The following MUC17 variants were observed in gnomAD, a reference collection of about 807,000 sequenced individuals.
MUC17 encodes the protein mucin-17.
A neutral mutation model predicts 170.3 loss-of-function variants in MUC17; 190 were observed. The ratio of observed to expected loss-of-function variants is 1.12; its 90% CI spans 0.99 to 1.26. The LOEUF is 1.26. Ranked by LOEUF, MUC17 falls within the 50% of genes most tolerant of loss-of-function variation. The pLI, the probability that MUC17 is intolerant of heterozygous loss-of-function variation, is 0.00. For synonymous variants in MUC17, 2,325 were observed against 2,002.5 expected (o/e 1.16, Z -4.30); for missense variants, 6,415 against 5,530.0 (o/e 1.16, Z -5.08).
rs1431467993 is a variant in MUC17, at chr7:101,058,740, T to C, written c.*696T>C. The C allele has an allele frequency of 1.3e-5, 2 of 152,232 alleles. No individual in the cohort carries two copies. Among genetic ancestry groups the C allele is most frequent in the African/African-American group, 4.8e-5 (2 of 41,466 alleles). The allele number at this position is 152,232 out of a possible 1,614,324, so 9.4% of individuals were successfully genotyped here. ...AATATAGAGCATTTACCTTTTGGTA[T>C]ATAAGATTGTGGGTATTTTTTAAGT... is the stretch of plus-strand genomic sequence containing the variant. On this transcript the variant is annotated 3_prime_UTR_variant, in exon 13 of 13. Coordinates refer to ENST00000306151, the MANE Select transcript of MUC17 (RefSeq NM_001040105.2).
rs761529042 is a variant in MUC17, at chr7:101,033,140, T to C, written c.1724T>C (p.Met575Thr). 9.7e-5 allele frequency: 157 copies of C among 1,611,906 alleles called. No homozygotes were observed. The highest frequency in any genetic ancestry group is 2.2e-4 in the Admixed American group (13 of 59,878). ...GAAGGAAGCACTCCATTAACAAACA[T>C]GCCTGTCAGCACCAGGCTGGTGGTC... ...PSEGSTPLTN[M>T]PVSTRLVVSS... The change falls in exon 3 of 13, where the codon ATG becomes ACG. Residue 575 changes from methionine to threonine, a missense_variant. Coordinates refer to ENST00000306151, the MANE Select transcript of MUC17 (RefSeq NM_001040105.2).
intron 3 of MUC17, 33 bp downstream of exon 3, chr7:101,043,852 A>T (rs758255324): frequency 1.9e-6 from 3 of 1,554,380 alleles, no homozygotes; most frequent in South Asian, 2.4e-5. Flanking sequence ...CTTTTTTTTA[A>T]AATTATACTG....
At position 101,036,980 on chromosome 7, in the gene MUC17, C is replaced by T. The variant is rs141195508; in HGVS notation, c.5564C>T (p.Thr1855Ile). Residue 1855 changes from threonine (T) to isoleucine (I), a missense_variant, in exon 3 of 13, where the codon ACC becomes ATC. Physicochemically the swap from Thr to Ile is moderately conservative, Grantham distance 89. Coordinates refer to ENST00000306151, the MANE Select transcript of MUC17 (RefSeq NM_001040105.2). ...VSSSPTPAEG[T>I]SIATSTPSEG... is the part of the protein sequence containing the mutation. ...TCATCTCCTACACCTGCTGAAGGTA[C>T]CAGCATAGCAACCTCAACGCCTAGT... is the stretch of plus-strand genomic sequence containing the variant. 1.7e-3 allele frequency: 2,737 copies of T among 1,577,332 alleles called. 12 individuals are homozygous for T. Among genetic ancestry groups the T allele is most frequent in the Non-Finnish European group, 1.7e-3 (2,000 of 1,178,886 alleles).
rs142444596 is a variant in MUC17 at position 101,037,153 on chromosome 7, G to A, written c.5737G>A (p.Gly1913Ser). The A allele has an allele frequency of 3.2e-4, 508 of 1,612,556 alleles. 2 individuals carry two copies. The highest frequency in any genetic ancestry group is 3.4e-4 in the Non-Finnish European group (400 of 1,179,752). Residue 1913 changes from glycine (G) to serine (S), a missense_variant, in exon 3 of 13, where the codon GGT becomes AGT. Transcript: ENST00000306151. ...QVSSSPTTAD[G>S]SSMPTSTPRE... Reference sequence around the variant, plus strand: ...CAGTTCATCTCCTACAACTGCTGACGGTAGCAGCATGCCAACCTCAACTCC... The same window carrying A: ...CAGTTCATCTCCTACAACTGCTGACAGTAGCAGCATGCCAACCTCAACTCC...
chr7:101,048,075 TG>T lies in MUC17; in HGVS notation c.12499del (p.Glu4167SerfsTer12). On this transcript the variant is annotated frameshift_variant, in exon 4 of 13. Transcript: ENST00000306151. LOFTEE classifies it high-confidence loss of function. ...LKCQCPNLYY[G>X]ELCEEVVSSI... ...AGTGCCAGTGTCCCAACCTCTATTATGGGGAGTTGTGTGAGGAGGTGGTCAG... is the reference window on the plus strand; with the variant it reads ...AGTGCCAGTGTCCCAACCTCTATTATGGGAGTTGTGTGAGGAGGTGGTCAG... 6.2e-7 allele frequency: 1 copy of T among 1,604,642 alleles called. No individual in the cohort carries two copies. Among genetic ancestry groups the T allele is most frequent in the Middle Eastern group, 1.7e-4 (1 of 5,740 alleles).
At position 101,034,112 on chromosome 7, in the gene MUC17, C is replaced by A. The variant is rs1259932710; in HGVS notation, c.2696C>A (p.Ser899Tyr). The change falls in exon 3 of 13, where the codon TCT becomes TAT. Residue 899 changes from serine (S) to tyrosine (Y), a missense_variant. Ser to Tyr is a moderately radical substitution (Grantham distance 144). Transcript: ENST00000306151. ...GACACCAGCACACCTGTGACCAATT[C>A]TACTGAAGCCCGTTCGTCTCCTACA... ...PVDTSTPVTN[S>Y]TEARSSPTTS... The A allele has an allele frequency of 1.3e-6, 2 of 1,584,476 alleles. No individual in the cohort carries two copies. The highest frequency in any genetic ancestry group is 1.4e-5 in the African/African-American group (1 of 72,860).
chr7:101,036,393 C>G lies in MUC17; in HGVS notation c.4977C>G (p.Asn1659Lys), dbSNP rs200727248. ...TTTCAACAACTCCTGTTGACTCCAA[C>G]AGTCCTGTGATCACTTCTACTGAAG... is the stretch of plus-strand genomic sequence containing the variant. ...STLSTTPVDS[N>K]SPVITSTEVS... Residue 1659 changes from asparagine to lysine, a missense_variant, in exon 3 of 13, where the codon AAC becomes AAG. Asn to Lys is a moderately conservative substitution (Grantham distance 94). Coordinates refer to ENST00000306151, the MANE Select transcript of MUC17 (RefSeq NM_001040105.2). 9.5e-6 allele frequency: 15 copies of G among 1,578,172 alleles called. No homozygotes were observed. The African/African-American group carries it at 2.2e-4, about 23-fold the overall frequency.
In MUC17 at chr7:101,020,537, C is replaced by A. The variant is rs933186803; in HGVS notation, c.82+320C>A. 3.3e-5 allele frequency among the ~76,000 whole-genome samples: 5 copies of A among 151,950 alleles called. No homozygotes were observed. The East Asian group carries it at 9.7e-4, about 29-fold the overall frequency. On this transcript the variant is annotated intron_variant, in intron 1 of 12. Transcript: ENST00000306151. ...CAGCTGCTAGGATTGAAAAGAGCTC[C>A]CCCCCCGAGGCATGATCCCTGGCAC... is the stretch of plus-strand genomic sequence containing the variant.
At position 101,035,787 on chromosome 7, in the gene MUC17, A is replaced by G; in HGVS notation, c.4371A>G (p.Leu1457=). The G allele has an allele frequency of 6.2e-7, 1 of 1,609,182 alleles. No individual in the cohort carries two copies. Among genetic ancestry groups the G allele is most frequent in the East Asian group, 2.2e-5 (1 of 44,836 alleles). The change falls in exon 3 of 13, where the codon TTA becomes TTG. Residue 1457 remains leucine (L), a synonymous_variant. Coordinates refer to ENST00000306151, the MANE Select transcript of MUC17 (RefSeq NM_001040105.2). ...TSTPSEGKTP[L]KSIPVSNTPV... ...CTCCTAGTGAAGGAAAGACTCCATTAAAAAGTATACCTGTCAGCAACACGC... is the reference window on the plus strand; with the variant it reads ...CTCCTAGTGAAGGAAAGACTCCATTGAAAAGTATACCTGTCAGCAACACGC...
At chr7:101,052,758 T>C (rs1339283788) in intron 9 of MUC17, among the ~76,000 whole-genome samples, 2 of 152,128 alleles carry the variant, frequency 1.3e-5, no homozygotes, top group East Asian at 3.9e-4. Flanking sequence ...GGGTTGCAAC[T>C]GGAGGCAAAA....
At position 101,048,910 on chromosome 7, in the gene MUC17, G is replaced by A. The variant is rs149635846; in HGVS notation, c.12601G>A (p.Glu4201Lys). ...GACAGTGACCAGTGTGAAGTTCACC[G>A]AAGAGCTAAAAAACCACTCTTCCCA... ...TVTVTSVKFT[E>K]ELKNHSSQEF... is the part of the protein sequence containing the mutation. Residue 4201 changes from glutamate (E) to lysine (K), a missense_variant, in exon 5 of 13, where the codon GAA becomes AAA. By Grantham distance (56) the Glu-to-Lys change is moderately conservative. Transcript: ENST00000306151. 1.4e-4 allele frequency: 222 copies of A among 1,614,078 alleles called. 1 individual carries two copies. The highest frequency in any genetic ancestry group is 1.6e-4 in the Non-Finnish European group (190 of 1,180,030).
intron 1 of MUC17, among the ~76,000 whole-genome samples, chr7:101,022,421 C>T (rs1794108517): frequency 6.6e-6 from 1 of 152,230 alleles, no homozygotes. Context: ...CCTGCCTCTG[C>T]TTCCCAAAGT....
At chr7:101,049,551 G>T (rs1794900208) in intron 6 of MUC17, among the ~76,000 whole-genome samples, 169 bp downstream of exon 6, 1 of 152,176 alleles carries the variant, frequency 6.6e-6, no homozygotes, top group Non-Finnish European at 1.5e-5. Flanking sequence ...CAGTTCTAGG[G>T]GCTGGAGGTC....
rs1333447953 is a variant in MUC17, at chr7:101,032,701, G to A, written c.1285G>A (p.Glu429Lys). 1.3e-6 allele frequency: 2 copies of A among 1,577,006 alleles called. No individual in the cohort carries two copies. The highest frequency in any genetic ancestry group is 1.7e-6 in the Non-Finnish European group (2 of 1,154,818). ...CAAAACTTTTGTGACCACTGCTAGT[G>A]AAGCCAGCTCATCTCCCACAACTGC... Reference protein sequence around the residue: ...DSKTFVTTASEASSSPTTAED... With the variant: ...DSKTFVTTASKASSSPTTAED... Residue 429 changes from glutamate to lysine, a missense_variant, in exon 3 of 13, where the codon GAA becomes AAA. Coordinates refer to ENST00000306151, the MANE Select transcript of MUC17 (RefSeq NM_001040105.2).
chr7:101,029,080 C>T (rs570807789), intron 1 of MUC17, among the ~76,000 whole-genome samples: 3 of 151,748 alleles, frequency 2.0e-5, no homozygotes, highest in East Asian at 1.9e-4. Flanking sequence ...CCCAGCTACT[C>T]GGGAGGCTGA....
rs138135476 is a variant in MUC17 at position 101,042,032 on chromosome 7, C to T, written c.10616C>T (p.Thr3539Ile). 1.9e-6 allele frequency: 3 copies of T among 1,613,866 alleles called. No homozygotes were observed. Among genetic ancestry groups the T allele is most frequent in the Non-Finnish European group, 2.5e-6 (3 of 1,179,950 alleles). ...VASSEASTLS[T>I]TPVDSNTFVT... ...AGTTCTGAGGCTAGCACCCTTTCAA[C>T]AACTCCTGTTGACTCCAACACTTTT... Residue 3539 changes from threonine (T) to isoleucine (I), a missense_variant, in exon 3 of 13, where the codon ACA becomes ATA. Transcript: ENST00000306151.
chr7:101,040,479 T>C lies in MUC17; in HGVS notation c.9063T>C (p.Ser3021=), dbSNP rs1253089996. Residue 3021 remains serine (S), a synonymous_variant, in exon 3 of 13, where the codon TCT becomes TCC. Coordinates refer to ENST00000306151, the MANE Select transcript of MUC17 (RefSeq NM_001040105.2). ...PADTSTPVTT[S]TEASSSPTTA... ...ACACCAGCACACCTGTGACCACTTC[T>C]ACTGAAGCCAGTTCCTCTCCTACAA... 1 of 1,612,070 alleles carries C rather than the reference T, an allele frequency of 6.2e-7. No individual in the cohort carries two copies. Among genetic ancestry groups the C allele is most frequent in the Non-Finnish European group, 8.5e-7 (1 of 1,179,204 alleles).
chr7:101,048,186 G>C, intron 4 of MUC17, 71 bp downstream of exon 4: 2 of 1,435,284 alleles, frequency 1.4e-6, no homozygotes, highest in Non-Finnish European at 1.8e-6. Flanking sequence ...AACAGTTCCT[G>C]CCCCACCTTG....
intron 11 of MUC17, among the ~76,000 whole-genome samples, chr7:101,055,441 A>G (rs1471947116): frequency 6.6e-6 from 1 of 152,236 alleles, no homozygotes; most frequent in Non-Finnish European, 1.5e-5. Flanking sequence ...CTAGGTATAA[A>G]AATGATCAAT....
Sources: gnomAD v4.1 joint callset for allele counts (sites outside exome capture counted in the v4.1 genomes callset) on GRCh38, gnomAD v4.1.1 for gene constraint, MANE v1.5 for transcripts, NCBI Gene and HGNC (gene_info 2026-07-23, HGNC 2026-07-21) for gene names.